The following GSE1 variants were observed in gnomAD, a reference collection of about 807,000 sequenced individuals.
GSE1 encodes Gse1 coiled-coil protein, also known as genetic suppressor element 1.
In GSE1, 32 loss-of-function variants were observed where a neutral mutation model predicts 112.6. The observed-to-expected ratio is 0.28, with a 90% CI of 0.21 to 0.38. The LOEUF is 0.38. Ranked by LOEUF, GSE1 falls within the 10% of genes least tolerant of loss-of-function variation. The pLI, the probability that GSE1 is intolerant of heterozygous loss-of-function variation, is 1.00. For missense variants in GSE1, 2,348 were observed against 1,699.2 expected (o/e 1.38, Z -6.71); for synonymous variants, 1,115 against 735.6 (o/e 1.52, Z -8.35).
In GSE1 at chr16:85,654,855, A is replaced by G. The variant is rs1260019045; in HGVS notation, c.661A>G (p.Ser221Gly). Residue 221 changes from serine to glycine, a missense_variant, in exon 5 of 16, where the codon AGC (serine) becomes GGC (glycine). Transcript: ENST00000253458. Reference sequence around the variant, plus strand: ...TACCGTGACCGAGGACTACCTGAGAAGCTTCCGGCCCTACCACACCACCGA... The same window carrying G: ...TACCGTGACCGAGGACTACCTGAGAGGCTTCCGGCCCTACCACACCACCGA... ...PSTVTEDYLRSFRPYHTTDDL... is the reference protein window; with the variant it reads ...PSTVTEDYLRGFRPYHTTDDL... 1 of 1,611,772 alleles carries G rather than the reference A, an allele frequency of 6.2e-7. No individual in the cohort carries two copies. Among genetic ancestry groups the G allele is most frequent in the South Asian group, 1.1e-5 (1 of 91,002 alleles).
At position 85,478,989 on chromosome 16, in the gene GSE1, TTCCTTCTTTCCCTCCC is replaced by T. The variant is rs1314053845; in HGVS notation, c.2464+121350_2464+121365del. On this transcript the variant is annotated intron_variant, in intron 2 of 2. Coordinates refer to the GSE1 transcript ENST00000637419. ...TTTCCTTCCTTCCTTCCTTCCTTCC[TTCCTTCTTTCCCTCCC>T]TCCCTCCCTACCTCCTTCCTTCCTT... Among the ~76,000 whole-genome samples the T allele has an allele frequency of 1.1e-4, 10 of 94,494 alleles. 1 individual carries two copies. Among genetic ancestry groups the T allele is most frequent in the Non-Finnish European group, 2.1e-4 (10 of 48,294 alleles). 62.0% of individuals were successfully genotyped at this position (94,494 alleles called of 152,430 possible).
chr16:85,193,498 C>T (rs112700901), intron 1 of GSE1, among the ~76,000 whole-genome samples: 2,950 of 152,010 alleles, frequency 0.019, 106 homozygotes, highest in African/African-American at 0.067. Context: ...CTCACCCTGT[C>T]GCCCAGGCTG....
intron 2 of GSE1, among the ~76,000 whole-genome samples, chr16:85,461,892 A>ATG (rs2049979037): frequency 6.6e-6 from 1 of 151,824 alleles, no homozygotes; most frequent in East Asian, 2.0e-4. Flanking sequence ...AGCGGCAGGC[A>ATG]GCCCTGCCCC....
At chr16:85,572,118 GCACACA>G (rs369085604) in intron 1 of GSE1, among the ~76,000 whole-genome samples, 2 of 100,122 alleles carry the variant, frequency 2.0e-5, no homozygotes, top group Non-Finnish European at 4.1e-5. Context: ...CACACACAAC[GCACACA>G]CACACACCAC....
intron 1 of GSE1, among the ~76,000 whole-genome samples, chr16:85,625,337 C>T (rs562230866): frequency 6.6e-5 from 10 of 152,350 alleles, no homozygotes; most frequent in East Asian, 1.9e-4. Flanking sequence ...GGGACCAGTC[C>T]GTGGCCGTGA....
At chr16:85,509,905 C>T (rs1439680792) in intron 2 of GSE1, among the ~76,000 whole-genome samples, 2 of 152,242 alleles carry the variant, frequency 1.3e-5, no homozygotes, top group Non-Finnish European at 2.9e-5. Flanking sequence ...GCAGACGGTT[C>T]CTCTGACAGA....
intron 1 of GSE1, among the ~76,000 whole-genome samples, chr16:85,276,542 C>A (rs1356002382): frequency 1.3e-5 from 2 of 152,222 alleles, no homozygotes; most frequent in Non-Finnish European, 2.9e-5. Context: ...CAAGGCAGGG[C>A]CTCAGGGAGC....
chr16:85,621,604 G>A (rs2048747666), intron 1 of GSE1, among the ~76,000 whole-genome samples: 1 of 152,220 alleles, frequency 6.6e-6, no homozygotes, highest in Non-Finnish European at 1.5e-5. Flanking sequence ...TTTTAACTAA[G>A]CAGCTGGTTT....
At chr16:85,588,808 C>T (rs756018406) in intron 1 of GSE1, among the ~76,000 whole-genome samples, 5 of 152,164 alleles carry the variant, frequency 3.3e-5, no homozygotes, top group Non-Finnish European at 7.4e-5. Flanking sequence ...GGGCTGAGGA[C>T]AGCCCAGATA....
intron 2 of GSE1, among the ~76,000 whole-genome samples, chr16:85,389,946 G>A (rs1208284018): frequency 2.0e-5 from 3 of 152,276 alleles, no homozygotes; most frequent in Admixed American, 6.5e-5. Flanking sequence ...CAGGCTCTTC[G>A]TCTCGTTTTA....
At chr16:85,585,507 C>T (rs968339045) in intron 1 of GSE1, among the ~76,000 whole-genome samples, 8 of 152,226 alleles carry the variant, frequency 5.3e-5, no homozygotes, top group East Asian at 1.9e-4. Flanking sequence ...TCCAAACACT[C>T]GCTTTGGCAC....
exon 1 of GSE1, chr16:85,170,062 G>T: frequency 1.0e-6 from 1 of 984,890 alleles, no homozygotes. Flanking sequence ...GTCGGACACC[G>T]ACCCCCTTTC....
chr16:85,656,278 C>G, intron 6 of GSE1, 65 bp from the exon 7 acceptor site: 1 of 1,578,056 alleles, frequency 6.3e-7, no homozygotes, highest in Non-Finnish European at 8.6e-7. Context: ...TTTTTAAGGG[C>G]CTGCCCCAGG....
At position 85,674,716 on chromosome 16, in the gene GSE1, G is replaced by C. The variant is rs1383823901; in HGVS notation, c.*2177G>C. ...TTACCATCCAAGGGGCACTCCCTTG[G>C]TTGGATTTTCTATGACAGCACAGGG... On this transcript the variant is annotated 3_prime_UTR_variant, in exon 16 of 16. Transcript: ENST00000253458. 6.6e-6 allele frequency: 1 copy of C among 152,270 alleles called. No homozygotes were observed. Among genetic ancestry groups the C allele is most frequent in the Non-Finnish European group, 1.5e-5 (1 of 68,058 alleles). 9.4% of individuals were successfully genotyped at this position (152,270 alleles called of 1,614,324 possible). A position where few individuals can be genotyped will look rare whatever the true frequency, so the allele number is the denominator to read the frequency against.
intron 1 of GSE1, among the ~76,000 whole-genome samples, chr16:85,326,615 T>C (rs1193488260): frequency 6.6e-6 from 1 of 152,238 alleles, no homozygotes; most frequent in Non-Finnish European, 1.5e-5. Context: ...CTGCCATGAT[T>C]GTAAGTTTCC....
At position 85,519,527 on chromosome 16, in the gene GSE1, T is replaced by G. The variant is rs1444350907; in HGVS notation, c.2465-114387T>G. 4.9e-3 allele frequency among the ~76,000 whole-genome samples: 62 copies of G among 12,528 alleles called. 20 individuals are homozygous for G. Among genetic ancestry groups the G allele is most frequent in the African/African-American group, 0.012 (57 of 4,794 alleles). 8.2% of individuals were successfully genotyped at this position (12,528 alleles called of 152,430 possible). A position where few individuals can be genotyped will look rare whatever the true frequency, so the allele number is the denominator to read the frequency against. Reference sequence around the variant, plus strand: ...ATCACCGGTCTCCATCATCATCACCTTCACCACCATCATCACTATTACCAC... The same window carrying G: ...ATCACCGGTCTCCATCATCATCACCGTCACCACCATCATCACTATTACCAC... On this transcript the variant is annotated intron_variant, in intron 2 of 2. Coordinates refer to the GSE1 transcript ENST00000637419.
At chr16:85,665,954 T>C (rs1267595717) in intron 12 of GSE1, 22 bp from the exon 13 acceptor site, 1 of 1,611,438 alleles carries the variant, frequency 6.2e-7, no homozygotes, top group Non-Finnish European at 8.5e-7. Flanking sequence ...CTTAATATTT[T>C]CCTTCACTTT....
chr16:85,192,696 C>G (rs1265173372), intron 1 of GSE1, among the ~76,000 whole-genome samples: 1 of 152,166 alleles, frequency 6.6e-6, no homozygotes, highest in Non-Finnish European at 1.5e-5. Flanking sequence ...CTGGCCTCCT[C>G]GCCAGCTTCA....
At chr16:85,595,030 C>G (rs1365291792) in intron 1 of GSE1, 1 of 152,402 alleles carries the variant, frequency 6.6e-6, no homozygotes, top group African/African-American at 2.4e-5. Flanking sequence ...CTGCACAGGC[C>G]AGGACGTTCC....
Sources: allele counts gnomAD v4.1 joint callset (sites outside exome capture counted in the v4.1 genomes callset), GRCh38; gene constraint gnomAD v4.1.1; transcripts MANE v1.5; gene names NCBI Gene and HGNC (gene_info 2026-07-23, HGNC 2026-07-21).